The following POLD1 variants were observed in gnomAD, a reference collection of about 807,000 sequenced individuals.
The protein encoded by POLD1 is DNA polymerase delta 1, catalytic subunit, also known as DNA polymerase delta catalytic subunit.
A neutral mutation model predicts 129.7 loss-of-function variants in POLD1; 79 were observed. The ratio of observed to expected loss-of-function variants is 0.61; its 90% CI spans 0.51 to 0.73. POLD1 has a LOEUF of 0.73. Among genes scored for constraint, POLD1 ranks in the 30% least tolerant of loss-of-function variants. The pLI is 0.00. For synonymous variants in POLD1, 714 were observed against 683.3 expected (o/e 1.04, Z -0.70); for missense variants, 1,338 against 1,595.8 (o/e 0.84, Z 2.75).
At chr19:50,412,045 G>A (rs2039105677) in intron 17 of POLD1, among the ~76,000 whole-genome samples, 1 of 152,206 alleles carries the variant, frequency 6.6e-6, no homozygotes, top group South Asian at 2.1e-4. Flanking sequence ...TACTCAGGAG[G>A]CTGAGACGGG....
chr19:50,390,440 T>C (rs2038117157), intron 1 of POLD1, among the ~76,000 whole-genome samples: 1 of 152,104 alleles, frequency 6.6e-6, no homozygotes, highest in South Asian at 2.1e-4. Flanking sequence ...CAACATGACA[T>C]GTTGGGCTAA....
At position 50,406,451 on chromosome 19, in the gene POLD1, C is replaced by T. The variant is rs761526047; in HGVS notation, c.1428C>T (p.Ala476=). 15 of 1,599,706 alleles carry T rather than the reference C, an allele frequency of 9.4e-6. No homozygotes were observed. The highest frequency in any genetic ancestry group is 4.0e-5 in the African/African-American group (3 of 74,598). Residue 476 remains alanine (A), a synonymous_variant, in exon 12 of 27, where the codon GCC becomes GCT. Coordinates refer to ENST00000440232, the MANE Select transcript of POLD1 (RefSeq NM_002691.4). The surrounding 1 kb of genome is among the most constrained non-coding windows in gnomAD (Gnocchi z 5.5). ...AGCTCCGCTCCTACACGCTCAATGC[C>T]GTGAGCTTCCACTTCCTGGGCGAGC... is the stretch of plus-strand genomic sequence containing the variant. ...EYKLRSYTLN[A]VSFHFLGEQK...
In POLD1 at chr19:50,409,230, G is replaced by C. The variant is rs62113956; in HGVS notation, c.2001G>C (p.Arg667=). Residue 667 remains arginine (R), a synonymous_variant, in exon 16 of 27, where the codon CGG becomes CGC. Transcript: ENST00000440232. The surrounding 1 kb of genome is among the most constrained non-coding windows in gnomAD (Gnocchi z 5.8). ...TCCTGGAGAACCTGCTCAGTGCCCGGAAGAGGTGAGCCCTGGAGATCGCCT... is the reference window on the plus strand; with the variant it reads ...TCCTGGAGAACCTGCTCAGTGCCCGCAAGAGGTGAGCCCTGGAGATCGCCT... The part of the protein sequence containing the change: ...PQILENLLSA[R]KRAKAELAKE... 6.2e-7 allele frequency: 1 copy of C among 1,600,924 alleles called. No homozygotes were observed. The highest frequency in any genetic ancestry group is 1.1e-5 in the South Asian group (1 of 90,782).
chr19:50,413,701 G>A lies in POLD1; in HGVS notation c.2251-41G>A, dbSNP rs1388038976. 6 of 1,566,398 alleles carry A rather than the reference G, an allele frequency of 3.8e-6. No homozygotes were observed. The East Asian group carries it at 1.4e-4, about 35-fold the overall frequency. Reference sequence around the variant, plus strand: ...CCCCGACACCAGTAGTTGACAGAAGGGACCCTGCTTCTCACATACACACAT... The same window carrying A: ...CCCCGACACCAGTAGTTGACAGAAGAGACCCTGCTTCTCACATACACACAT... On this transcript the variant is annotated intron_variant, in intron 18 of 26. Coordinates refer to ENST00000440232, the MANE Select transcript of POLD1 (RefSeq NM_002691.4).
chr19:50,415,893 G>C, intron 22 of POLD1, 67 bp downstream of exon 22: 1 of 1,195,096 alleles, frequency 8.4e-7, no homozygotes, highest in South Asian at 1.6e-5. Flanking sequence ...TCCGAGATGG[G>C]CGGGCCTGCG....
In POLD1 at chr19:50,409,215, C is replaced by T. The variant is rs878854530; in HGVS notation, c.1986C>T (p.Asn662=). ...RKGLLPQILE[N]LLSARKRAKA... ...GGCTGCTGCCCCAGATCCTGGAGAA[C>T]CTGCTCAGTGCCCGGAAGAGGTGAG... Residue 662 remains asparagine, a synonymous_variant, in exon 16 of 27, where the codon AAC becomes AAT. Coordinates refer to ENST00000440232, the MANE Select transcript of POLD1 (RefSeq NM_002691.4). The surrounding 1 kb of genome is among the most constrained non-coding windows in gnomAD (Gnocchi z 5.8). 1 of 1,611,652 alleles carries T rather than the reference C, an allele frequency of 6.2e-7. No individual in the cohort carries two copies. The highest frequency in any genetic ancestry group is 8.5e-7 in the Non-Finnish European group (1 of 1,177,916).
chr19:50,391,755 C>G (rs74773050), intron 1 of POLD1, among the ~76,000 whole-genome samples: 1 of 150,770 alleles, frequency 6.6e-6, no homozygotes, highest in Non-Finnish European at 1.5e-5. Context: ...TCTTGTTGCC[C>G]GGGCTGGAGT....
intron 17 of POLD1, among the ~76,000 whole-genome samples, chr19:50,410,711 C>T (rs972717486): frequency 3.3e-5 from 5 of 152,246 alleles, no homozygotes; most frequent in South Asian, 4.2e-4. Context: ...AGTTTTGATG[C>T]GTGCCTGCAC....
Position 50,416,851 on chromosome 19 carries a change from C to A in POLD1, c.3067+128C>A, listed in dbSNP as rs573275605. The A allele has an allele frequency of 6.4e-6, 6 of 939,646 alleles. No homozygotes were observed. The South Asian group carries it at 8.5e-5, about 13-fold the overall frequency. The allele number at this position is 939,646 out of a possible 1,614,324, so 58.2% of individuals were successfully genotyped here. A position where few individuals can be genotyped will look rare whatever the true frequency, so the allele number is the denominator to read the frequency against. ...GGCCCAGGGCCCCTGGGTGGGTGGCCCCTGTCTCCACCCCCCACAGAGGGT... is the reference window on the plus strand; with the variant it reads ...GGCCCAGGGCCCCTGGGTGGGTGGCACCTGTCTCCACCCCCCACAGAGGGT... On this transcript the variant is annotated intron_variant, in intron 24 of 26. Transcript: ENST00000440232.
intron 1 of POLD1, among the ~76,000 whole-genome samples, chr19:50,395,520 C>G (rs992271545): frequency 1.3e-5 from 2 of 151,402 alleles, no homozygotes; most frequent in Non-Finnish European, 2.9e-5. Context: ...GGAGGCGGAG[C>G]TTGCAGTGAG....
At chr19:50,401,719 A>G (rs1032764914) in intron 3 of POLD1, 59 bp from the exon 4 acceptor site, 17 of 1,583,248 alleles carry the variant, frequency 1.1e-5, no homozygotes, top group Non-Finnish European at 1.4e-5. Flanking sequence ...GAGGCTGTGG[A>G]GACACACCTT....
chr19:50,404,572 TTC>T (rs2038798000), intron 10 of POLD1, among the ~76,000 whole-genome samples: 1 of 106,342 alleles, frequency 9.4e-6, no homozygotes, highest in South Asian at 3.1e-4. Flanking sequence ...CCTTTTCTCT[TTC>T]TTTTTTTTTT....
intron 1 of POLD1, among the ~76,000 whole-genome samples, chr19:50,398,428 T>C (rs2038448651): frequency 6.6e-6 from 1 of 151,352 alleles, no homozygotes; most frequent in African/African-American, 2.4e-5. Context: ...AAAAATTAGC[T>C]GGGTGTGGTG....
rs141976385 is a variant in POLD1, at chr19:50,402,056, G to A, written c.521G>A (p.Arg174Gln). 1.1e-4 allele frequency: 174 copies of A among 1,613,996 alleles called. No homozygotes were observed. The highest frequency in any genetic ancestry group is 1.3e-4 in the Non-Finnish European group (157 of 1,179,998). Residue 174 changes from arginine (R) to glutamine (Q), a missense_variant, in exon 5 of 27, where the codon CGG (arginine) becomes CAG (glutamine). By Grantham distance (43) the Arg-to-Gln change is conservative. This residue lies in a region of POLD1 where 332 missense variants were observed against 315.7 expected (regional missense o/e 1.05). Transcript: ENST00000440232. Reference sequence around the variant, plus strand: ...CGGGAGCTGAACTTGGCCATCAGCCGGGACAGTCGCGGGGGGAGGGAGCTG... The same window carrying A: ...CGGGAGCTGAACTTGGCCATCAGCCAGGACAGTCGCGGGGGGAGGGAGCTG... The part of the protein sequence containing the change: ...LQRELNLAIS[R>Q]DSRGGRELTG...
rs781015976 is a variant in POLD1 at position 50,403,078 on chromosome 19, C to T, written c.996C>T (p.Asp332=). 6 of 1,563,272 alleles carry T rather than the reference C, an allele frequency of 3.8e-6. No homozygotes were observed. Among genetic ancestry groups the T allele is most frequent in the Non-Finnish European group, 4.3e-6 (5 of 1,153,340 alleles). Residue 332 remains aspartate, a synonymous_variant, in exon 9 of 27, where the codon GAC becomes GAT. Coordinates refer to ENST00000440232, the MANE Select transcript of POLD1 (RefSeq NM_002691.4). ...GCATCTTCCCTGAGCCTGAGCGGGA[C>T]CCTGTCATCCAGATCTGCTCGCTGG... ...RKGIFPEPER[D]PVIQICSLGL...
intron 1 of POLD1, among the ~76,000 whole-genome samples, chr19:50,386,558 T>C (rs985617335): frequency 6.6e-6 from 1 of 152,244 alleles, no homozygotes; most frequent in Admixed American, 6.5e-5. Flanking sequence ...CAGCTCTGCA[T>C]TGTGCAATAA....
At chr19:50,389,351 G>A (rs2038074442) in intron 1 of POLD1, among the ~76,000 whole-genome samples, 1 of 150,884 alleles carries the variant, frequency 6.6e-6, no homozygotes, top group South Asian at 2.1e-4. Flanking sequence ...CAAACTCCTG[G>A]GTTCAAGCAA....
rs759504885 is a variant in POLD1 at position 50,406,407 on chromosome 19, G to T, written c.1384G>T (p.Val462Leu). The change falls in exon 12 of 27, where the codon GTG becomes TTG. Residue 462 changes from valine to leucine, a missense_variant and splice_region_variant. Val to Leu is a conservative substitution (Grantham distance 32, BLOSUM62 1). This residue lies in a region of POLD1 where 720 missense variants were observed against 1,002.6 expected (regional missense o/e 0.72). Transcript: ENST00000440232. This position sits in a 1 kb window ranked among gnomAD's most constrained non-coding sequence, Gnocchi z 5.5. The part of the protein sequence containing the change: ...VGRVQMDMLQ[V>L]LLREYKLRSY... The stretch of plus-strand genomic sequence containing the variant: ...CCCACCAGCCCACCCACCCACCTAG[G>T]TGCTGCTGCGGGAGTACAAGCTCCG... The T allele has an allele frequency of 1.2e-6, 2 of 1,604,510 alleles. No individual in the cohort carries two copies. Among genetic ancestry groups the T allele is most frequent in the South Asian group, 1.1e-5 (1 of 90,228 alleles).
At position 50,406,368 on chromosome 19, in the gene POLD1, G is replaced by A. The variant is rs2122324130; in HGVS notation, c.1384-39G>A. On this transcript the variant is annotated intron_variant, in intron 11 of 26. Transcript: ENST00000440232. This position sits in a 1 kb window ranked among gnomAD's most constrained non-coding sequence, Gnocchi z 5.5. ...GTGTCCCTGTCCTTGGAAGGCCACTGCCCAGGCCCGCAGCCCACCAGCCCA... is the reference window on the plus strand; with the variant it reads ...GTGTCCCTGTCCTTGGAAGGCCACTACCCAGGCCCGCAGCCCACCAGCCCA... 8.7e-6 allele frequency: 14 copies of A among 1,611,072 alleles called. No individual in the cohort carries two copies. The highest frequency in any genetic ancestry group is 1.2e-5 in the Non-Finnish European group (14 of 1,178,432).
Sources: allele counts gnomAD v4.1 joint callset (sites outside exome capture counted in the v4.1 genomes callset), GRCh38; gene constraint gnomAD v4.1.1; regional missense constraint gnomAD v4.1.1; non-coding constraint Gnocchi (gnomAD v3.1); transcripts MANE v1.5; gene names NCBI Gene and HGNC (gene_info 2026-07-23, HGNC 2026-07-21).